NAALADL2: variants seen among roughly 807,000 people sequenced by gnomAD.
NAALADL2 encodes inactive N-acetylated-alpha-linked acidic dipeptidase-like protein 2.
A neutral mutation model predicts 87.2 loss-of-function variants in NAALADL2; 76 were observed. The ratio of observed to expected loss-of-function variants is 0.87; its 90% CI spans 0.72 to 1.05. The LOEUF is 1.05. NAALADL2 is among the 50% of genes least tolerant of loss of function. The pLI, the probability that NAALADL2 is intolerant of heterozygous loss-of-function variation, is 0.00. For synonymous variants in NAALADL2, 354 were observed against 331.0 expected, an observed-to-expected ratio of 1.07 and a Z score of -0.75; for missense variants, 1,089 against 945.8, an observed-to-expected ratio of 1.15 and a Z score of -1.99.
intron 1 of NAALADL2, among the ~76,000 whole-genome samples, chr3:174,888,563 G>T (rs773084763): frequency 2.0e-5 from 3 of 152,118 alleles, no homozygotes; most frequent in Non-Finnish European, 4.4e-5. Flanking sequence ...CAAAATGATG[G>T]CTTTGCTTAC....
chr3:175,709,679 AT>A (rs1740259729), intron 11 of NAALADL2, among the ~76,000 whole-genome samples: 2 of 152,112 alleles, frequency 1.3e-5, no homozygotes, highest in African/African-American at 4.8e-5. Flanking sequence ...ACCTAGTGAA[AT>A]TGTCTGGAGA....
intron 3 of NAALADL2, among the ~76,000 whole-genome samples, chr3:174,761,613 G>A (rs535863): frequency 0.43 from 65,491 of 151,784 alleles, 14,224 homozygotes; most frequent in Middle Eastern, 0.55. Context: ...TACTTTTTAA[G>A]AAAAATTTTT....
chr3:175,187,365 A>T (rs1737497110), intron 2 of NAALADL2, among the ~76,000 whole-genome samples: 1 of 152,166 alleles, frequency 6.6e-6, no homozygotes, highest in African/African-American at 2.4e-5. Flanking sequence ...TTTATTTCCT[A>T]TCGTTGTCGA....
intron 12 of NAALADL2, among the ~76,000 whole-genome samples, chr3:175,752,430 T>TCA (rs1368656369): frequency 6.6e-6 from 1 of 152,030 alleles, no homozygotes; most frequent in Non-Finnish European, 1.5e-5. Flanking sequence ...TCATTTGGGG[T>TCA]CACAAAAGCT....
intron 10 of NAALADL2, among the ~76,000 whole-genome samples, chr3:175,603,526 T>A (rs1054564879): frequency 9.9e-5 from 15 of 152,212 alleles, no homozygotes; most frequent in African/African-American, 3.4e-4. Context: ...ATCTCTATGA[T>A]TTGGACTATT....
intron 5 of NAALADL2, among the ~76,000 whole-genome samples, chr3:175,413,337 C>T (rs774057403): frequency 1.9e-4 from 28 of 150,472 alleles, no homozygotes; most frequent in Non-Finnish European, 3.4e-4. Flanking sequence ...TTTGGGAGGC[C>T]GAGGAGAGCG....
At chr3:174,870,069 G>A (rs1248365918) in intron 1 of NAALADL2, among the ~76,000 whole-genome samples, 1 of 150,634 alleles carries the variant, frequency 6.6e-6, no homozygotes. Context: ...ATGTGAGTGA[G>A]TTTGTGGGTG....
intron 9 of NAALADL2, among the ~76,000 whole-genome samples, chr3:175,519,779 T>C (rs990917135): frequency 6.6e-6 from 1 of 152,176 alleles, no homozygotes; most frequent in Non-Finnish European, 1.5e-5. Flanking sequence ...ACTAGAATTA[T>C]AAAATATTAA....
chr3:174,891,338 G>A (rs1194642550), intron 1 of NAALADL2, among the ~76,000 whole-genome samples: 1 of 151,768 alleles, frequency 6.6e-6, no homozygotes, highest in Non-Finnish European at 1.5e-5. Context: ...CACCTTATAC[G>A]AACCCCAAAT....
At chr3:174,861,901 T>TC (rs1234663653) in intron 1 of NAALADL2, among the ~76,000 whole-genome samples, 1 of 108,070 alleles carries the variant, frequency 9.3e-6, no homozygotes, top group Non-Finnish European at 1.9e-5. Context: ...AGAACCCATT[T>TC]TTTTTTTTTC....
intron 11 of NAALADL2, among the ~76,000 whole-genome samples, chr3:175,697,199 G>A (rs760850814): frequency 2.0e-5 from 3 of 151,994 alleles, no homozygotes; most frequent in Non-Finnish European, 2.9e-5. Flanking sequence ...TAGAGGTAGC[G>A]TATAACTTTG....
chr3:175,150,186 A>G (rs1731340015), intron 2 of NAALADL2, among the ~76,000 whole-genome samples: 1 of 152,192 alleles, frequency 6.6e-6, no homozygotes, highest in African/African-American at 2.4e-5. Flanking sequence ...AGCATCAAGA[A>G]TCAGATGCAA....
chr3:175,535,888 G>C (rs558256581), intron 9 of NAALADL2, among the ~76,000 whole-genome samples: 1 of 152,234 alleles, frequency 6.6e-6, no homozygotes, highest in African/African-American at 2.4e-5. Flanking sequence ...TTTGTATATA[G>C]TATCTCATTT....
chr3:174,941,627 G>T (rs1738604536), intron 1 of NAALADL2, among the ~76,000 whole-genome samples: 1 of 152,000 alleles, frequency 6.6e-6, no homozygotes, highest in African/African-American at 2.4e-5. Context: ...TTTTGTGGGA[G>T]TCTATTTCTC....
rs181975921 is a variant in NAALADL2 at position 174,510,512 on chromosome 3, G to A, written c.-183-40057G>A. On this transcript the variant is annotated intron_variant, in intron 1 of 3. Coordinates refer to the NAALADL2 transcript ENST00000434257. Reference sequence around the variant, plus strand: ...TTCATCTAAGTTATTGAATATATTGGCATTTGTTGTTCATAATATTTTCTC... The same window carrying A: ...TTCATCTAAGTTATTGAATATATTGACATTTGTTGTTCATAATATTTTCTC... Among the ~76,000 whole-genome samples, 544 of 151,786 alleles carry A rather than the reference G, an allele frequency of 3.6e-3. 3 individuals are homozygous for A. The highest frequency in any genetic ancestry group is 4.7e-3 in the Non-Finnish European group (316 of 67,840).
At chr3:175,195,638 G>A (rs576872548) in intron 2 of NAALADL2, among the ~76,000 whole-genome samples, 2 of 151,976 alleles carry the variant, frequency 1.3e-5, no homozygotes, top group South Asian at 2.1e-4. Context: ...TAAAAAAGAA[G>A]CAGATCGTAT....
intron 11 of NAALADL2, among the ~76,000 whole-genome samples, chr3:175,639,907 T>C (rs1390522753): frequency 6.6e-6 from 1 of 152,114 alleles, no homozygotes; most frequent in African/African-American, 2.4e-5. Flanking sequence ...ATCCTCACTC[T>C]GTGGAAGGAA....
chr3:175,519,429 C>A (rs1428949192), intron 9 of NAALADL2, among the ~76,000 whole-genome samples: 4 of 152,016 alleles, frequency 2.6e-5, no homozygotes, highest in African/African-American at 4.8e-5. Flanking sequence ...TTTATAAGCC[C>A]CAATAGTTTC....
chr3:175,205,043 A>G (rs994881100), intron 2 of NAALADL2, among the ~76,000 whole-genome samples: 2 of 152,170 alleles, frequency 1.3e-5, no homozygotes, highest in South Asian at 4.1e-4. Flanking sequence ...GCAATCTACA[A>G]ATTCAATATA....
Sources: allele counts gnomAD v4.1 joint callset (sites outside exome capture counted in the v4.1 genomes callset), GRCh38; gene constraint gnomAD v4.1.1; transcripts MANE v1.5; gene names NCBI Gene and HGNC (gene_info 2026-07-23, HGNC 2026-07-21).